Variants in OSBPL5 observed in about 807,000 individuals in gnomAD.
OSBPL5 encodes the protein oxysterol binding protein like 5, also known as oxysterol-binding protein-related protein 5.
Under a neutral mutation model 111.2 loss-of-function variants are expected in OSBPL5, and 71 were observed. That is an observed-to-expected ratio of 0.64 (90% CI 0.53 to 0.78). OSBPL5 has a LOEUF of 0.78. Ranked by LOEUF, OSBPL5 falls within the 30% of genes least tolerant of loss-of-function variation. OSBPL5 has a pLI of 0.00. For synonymous variants in OSBPL5, 549 were observed against 513.9 expected, an observed-to-expected ratio of 1.07 and a Z score of -0.93; for missense variants, 1,210 against 1,189.3, an observed-to-expected ratio of 1.02 and a Z score of -0.26.
In OSBPL5 at chr11:3,122,112, A is replaced by C. The variant is rs781571414; in HGVS notation, c.301-14T>G. 26 of 1,549,750 alleles carry C rather than the reference A, an allele frequency of 1.7e-5. No individual in the cohort carries two copies. The South Asian group carries it at 3.1e-4, about 18-fold the overall frequency. On this transcript the variant is annotated splice_polypyrimidine_tract_variant and intron_variant, in intron 4 of 21. Transcript: ENST00000263650. ...CTCCTTCTGCGCCTGGGCCCGGGGC[A>C]CCCGCGGTGGGTCATGGGAGAAGGC...
In OSBPL5 at chr11:3,095,196, G is replaced by C. The variant is rs561029626; in HGVS notation, c.1622-862C>G. Among the ~76,000 whole-genome samples the C allele has an allele frequency of 4.2e-3, 637 of 151,458 alleles. 4 individuals are homozygous for C. Among genetic ancestry groups the C allele is most frequent in the African/African-American group, 0.014 (582 of 41,036 alleles). On this transcript the variant is annotated intron_variant, in intron 14 of 21. Coordinates refer to ENST00000263650, the MANE Select transcript of OSBPL5 (RefSeq NM_020896.4). ...AGCGGCATCTCTGTGCAGCTCTGAT[G>C]GGGGGAGGTCTCCAGGCTCCACGGA...
In OSBPL5 at chr11:3,103,329, G is replaced by C. The variant is rs1236993133; in HGVS notation, c.1245-9C>G. Reference sequence around the variant, plus strand: ...CCTCCTCCACCGCAGCCCTGCCATGGGGCAGGAGAACGCTGACCCCAGCTC... The same window carrying C: ...CCTCCTCCACCGCAGCCCTGCCATGCGGCAGGAGAACGCTGACCCCAGCTC... On this transcript the variant is annotated splice_polypyrimidine_tract_variant and intron_variant, in intron 10 of 21. Transcript: ENST00000263650. The C allele has an allele frequency of 1.2e-6, 2 of 1,600,100 alleles. No homozygotes were observed. The highest frequency in any genetic ancestry group is 1.7e-6 in the Non-Finnish European group (2 of 1,172,766).
At chr11:3,138,219 G>A (rs970859201) in intron 1 of OSBPL5, among the ~76,000 whole-genome samples, 3 of 152,164 alleles carry the variant, frequency 2.0e-5, no homozygotes, top group Admixed American at 1.3e-4. Flanking sequence ...TTGGTACCCC[G>A]ACCCCACACC....
chr11:3,122,109 G>A lies in OSBPL5; in HGVS notation c.301-11C>T. 5.8e-6 allele frequency: 9 copies of A among 1,552,152 alleles called. No homozygotes were observed. The highest frequency in any genetic ancestry group is 1.2e-5 in the South Asian group (1 of 85,340). ...GTTCTCCTTCTGCGCCTGGGCCCGG[G>A]GCACCCGCGGTGGGTCATGGGAGAA... is the stretch of plus-strand genomic sequence containing the variant. On this transcript the variant is annotated splice_polypyrimidine_tract_variant and intron_variant, in intron 4 of 21. Transcript: ENST00000263650.
chr11:3,121,097 C>CA lies in OSBPL5; in HGVS notation c.403-474_403-473insT, dbSNP rs1858398099. Among the ~76,000 whole-genome samples the CA allele has an allele frequency of 2.1e-5, 3 of 141,238 alleles. No individual in the cohort carries two copies. The highest frequency in any genetic ancestry group is 4.5e-5 in the Non-Finnish European group (3 of 66,204). 92.7% of individuals were successfully genotyped at this position (141,238 alleles called of 152,430 possible). ...TTTTTTTGAGACAGAGTCTCTGTTG[C>CA]CCAGGCTGGAGGTGCAGTGGTGCTA... On this transcript the variant is annotated intron_variant, in intron 5 of 21. Transcript: ENST00000263650. The surrounding 1 kb of genome is among the most constrained non-coding windows in gnomAD (Gnocchi z 4.3).
In OSBPL5 at chr11:3,141,529, GC is replaced by G. The variant is rs962965080; in HGVS notation, c.-21-12361del. ...TGTCTTCCGCTGTGGTGGAGAGCTT[GC>G]CAAAGTGTTCAGGAAATGGCATTAA... On this transcript the variant is annotated intron_variant, in intron 1 of 21. Transcript: ENST00000263650. The surrounding 1 kb of genome is among the most constrained non-coding windows in gnomAD (Gnocchi z 6.5). Among the ~76,000 whole-genome samples, 1 of 152,184 alleles carries G rather than the reference GC, an allele frequency of 6.6e-6. No individual in the cohort carries two copies. The highest frequency in any genetic ancestry group is 1.5e-5 in the Non-Finnish European group (1 of 68,032).
At chr11:3,089,563 G>A (rs771364230) in intron 21 of OSBPL5, among the ~76,000 whole-genome samples, 15 of 152,230 alleles carry the variant, frequency 9.9e-5, no homozygotes, top group Non-Finnish European at 1.5e-5. Flanking sequence ...AGGCCATGCT[G>A]GGCTGGCACC....
chr11:3,090,986 A>G (rs921712235), intron 19 of OSBPL5, among the ~76,000 whole-genome samples: 3 of 152,220 alleles, frequency 2.0e-5, no homozygotes, highest in African/African-American at 4.8e-5. Context: ...TGTGCTCACC[A>G]TGGCGTTGCA....
chr11:3,093,264 G>T lies in OSBPL5; in HGVS notation c.1947-212C>A, dbSNP rs920744338. On this transcript the variant is annotated intron_variant, in intron 17 of 21. Transcript: ENST00000263650. ...ACTGAGCTCCCATCTCCCGCCTGCA[G>T]GGACCTCCCTGTGCACCTGTTGGTC... 6.8e-6 allele frequency: 5 copies of T among 739,388 alleles called. No homozygotes were observed. The African/African-American group carries it at 7.1e-5, about 10-fold the overall frequency. 45.8% of individuals were successfully genotyped at this position (739,388 alleles called of 1,614,324 possible). A position where few individuals can be genotyped will look rare whatever the true frequency, so the allele number is the denominator to read the frequency against.
intron 10 of OSBPL5, among the ~76,000 whole-genome samples, chr11:3,103,685 CA>C (rs1564829355): frequency 7.5e-4 from 109 of 144,452 alleles, no homozygotes; most frequent in Admixed American, 1.9e-3. Flanking sequence ...CCAGTCTCTG[CA>C]GCCCCCTTCC....
rs1554896418 is a variant in OSBPL5 at position 3,103,864 on chromosome 11, C to CCCCCTTCCTGCCTCTGCAG, written c.1244+328_1244+329insCTGCAGAGGCAGGAAGGGG. Among the ~76,000 whole-genome samples, 471 of 49,454 alleles carry CCCCCTTCCTGCCTCTGCAG rather than the reference C, an allele frequency of 9.5e-3. 40 individuals are homozygous for CCCCCTTCCTGCCTCTGCAG. Among genetic ancestry groups the CCCCCTTCCTGCCTCTGCAG allele is most frequent in the South Asian group, 0.027 (49 of 1,782 alleles). 32.4% of individuals were successfully genotyped at this position (49,454 alleles called of 152,430 possible). On this transcript the variant is annotated intron_variant, in intron 10 of 21. Coordinates refer to ENST00000263650, the MANE Select transcript of OSBPL5 (RefSeq NM_020896.4). ...TGCAGCCCCTTTCCAGTCTGCGCAG[C>CCCCCTTCCTGCCTCTGCAG]CCCCTTCCTGCCTCTGTAGCCCCAT...
chr11:3,154,796 C>T lies in OSBPL5; in HGVS notation c.-22+10420G>A, dbSNP rs1286287626. Among the ~76,000 whole-genome samples, 3 of 152,014 alleles carry T rather than the reference C, an allele frequency of 2.0e-5. No homozygotes were observed. Among genetic ancestry groups the T allele is most frequent in the East Asian group, 1.9e-4 (1 of 5,192 alleles). On this transcript the variant is annotated intron_variant, in intron 1 of 21. Coordinates refer to ENST00000263650, the MANE Select transcript of OSBPL5 (RefSeq NM_020896.4). This position sits in a 1 kb window ranked among gnomAD's most constrained non-coding sequence, Gnocchi z 4.9. ...ACTTGGAGATGGGGTCTTTAAAGAGCCCCCTATATACCTAATGTAAATGAC... is the reference window on the plus strand; with the variant it reads ...ACTTGGAGATGGGGTCTTTAAAGAGTCCCCTATATACCTAATGTAAATGAC...
chr11:3,093,513 C>T lies in OSBPL5; in HGVS notation c.1946+14G>A. On this transcript the variant is annotated intron_variant, in intron 17 of 21. Transcript: ENST00000263650. ...CTGTGGTCAGCAGGGTCCCTGGGCG[C>T]TGACAGGCCTCACCTCTCGGACTCC... 5 of 1,604,510 alleles carry T rather than the reference C, an allele frequency of 3.1e-6. No homozygotes were observed. In the South Asian group the frequency reaches 3.3e-5, roughly 11 times the overall value.
Position 3,122,443 on chromosome 11 carries a change from T to C in OSBPL5, c.220-15A>G. ...CTGTACTCTGCCTGAAAGAGAGAGG[T>C]GGGTATGCGGGACAGGGCACAGGGG... On this transcript the variant is annotated splice_polypyrimidine_tract_variant and intron_variant, in intron 3 of 21. Coordinates refer to ENST00000263650, the MANE Select transcript of OSBPL5 (RefSeq NM_020896.4). 6.2e-7 allele frequency: 1 copy of C among 1,611,896 alleles called. No homozygotes were observed. Among genetic ancestry groups the C allele is most frequent in the Non-Finnish European group, 8.5e-7 (1 of 1,179,092 alleles).
chr11:3,131,527 TCATC>T (rs202208643), intron 1 of OSBPL5, among the ~76,000 whole-genome samples: 13,483 of 117,408 alleles, frequency 0.11, 734 homozygotes, highest in South Asian at 0.15. Flanking sequence ...ATCCACCCAT[TCATC>T]CATCCATCCA....
chr11:3,146,553 A>G lies in OSBPL5; in HGVS notation c.-21-17384T>C, dbSNP rs556020228. The G allele has an allele frequency of 6.6e-6, 1 of 152,226 alleles. No homozygotes were observed. The highest frequency in any genetic ancestry group is 1.5e-5 in the Non-Finnish European group (1 of 68,034). 9.4% of individuals were successfully genotyped at this position (152,226 alleles called of 1,614,324 possible). On this transcript the variant is annotated intron_variant, in intron 1 of 21. Coordinates refer to ENST00000263650, the MANE Select transcript of OSBPL5 (RefSeq NM_020896.4). This position sits in a 1 kb window ranked among gnomAD's most constrained non-coding sequence, Gnocchi z 7.8. ...TGGACCCTGTCACGGCATGGCTGGG[A>G]CGAGGCACCCGGTGTCTTTCTGGCA... is the stretch of plus-strand genomic sequence containing the variant.
At chr11:3,103,148 C>A in intron 11 of OSBPL5, 91 bp downstream of exon 11, 1 of 1,153,048 alleles carries the variant, frequency 8.7e-7, no homozygotes, top group South Asian at 1.5e-5. Context: ...TAGGGGGTGG[C>A]CCGGGGACTC....
At chr11:3,108,242 G>A (rs961222787) in intron 7 of OSBPL5, among the ~76,000 whole-genome samples, 3 of 152,162 alleles carry the variant, frequency 2.0e-5, no homozygotes, top group Non-Finnish European at 4.4e-5. Flanking sequence ...AGAGGCACCT[G>A]GGGATGCTCA....
chr11:3,112,324 G>A (rs1172252648), intron 7 of OSBPL5, among the ~76,000 whole-genome samples: 7 of 152,100 alleles, frequency 4.6e-5, no homozygotes, highest in African/African-American at 1.7e-4. Flanking sequence ...TAGTAGCCTG[G>A]GGTTCCTTAA....
Sources: allele counts gnomAD v4.1 joint callset (sites outside exome capture counted in the v4.1 genomes callset), GRCh38; gene constraint gnomAD v4.1.1; non-coding constraint Gnocchi (gnomAD v3.1); transcripts MANE v1.5; gene names NCBI Gene and HGNC (gene_info 2026-07-23, HGNC 2026-07-21).